AP5Z1: variants seen among roughly 807,000 people sequenced by gnomAD.
The protein encoded by AP5Z1 is AP-5 complex subunit zeta-1.
Under a neutral mutation model 83.0 loss-of-function variants are expected in AP5Z1, and 106 were observed. The observed-to-expected ratio is 1.28, with a 90% CI of 1.09 to 1.50. The LOEUF is 1.50. Among genes scored for constraint, AP5Z1 ranks in the 40% most tolerant of loss-of-function variants. The pLI, the probability that AP5Z1 is intolerant of heterozygous loss-of-function variation, is 0.00. For synonymous variants in AP5Z1, 751 were observed against 514.1 expected, an observed-to-expected ratio of 1.46 and a Z score of -6.23; for missense variants, 1,565 against 1,094.2, an observed-to-expected ratio of 1.43 and a Z score of -6.07.
chr7:4,776,774 A>G (rs1781240950), intron 1 of AP5Z1, among the ~76,000 whole-genome samples: 1 of 152,014 alleles, frequency 6.6e-6, no homozygotes, highest in Admixed American at 6.6e-5. Flanking sequence ...TACAGCCAGC[A>G]CTACAGCCCC....
chr7:4,778,245 T>G (rs569897591), intron 1 of AP5Z1, among the ~76,000 whole-genome samples: 3 of 152,252 alleles, frequency 2.0e-5, no homozygotes, highest in South Asian at 2.1e-4. Flanking sequence ...CAAAAAGATT[T>G]GGAGTGAACT....
rs1361212728 is a variant in AP5Z1, at chr7:4,785,794, CAG to C, written c.1132+111_1132+112del. On this transcript the variant is annotated intron_variant, in intron 9 of 16. Transcript: ENST00000649063. ...TTTTTTTTTTTTGATTGAATAGAGA[CAG>C]GGGTCTTGCTGTGTTGCCCAGGCTG... The C allele has an allele frequency of 1.8e-4, 236 of 1,326,210 alleles. 1 individual carries two copies. Among genetic ancestry groups the C allele is most frequent in the Middle Eastern group, 1.1e-3 (4 of 3,600 alleles). 82.2% of individuals were successfully genotyped at this position (1,326,210 alleles called of 1,614,324 possible).
At position 4,784,060 on chromosome 7, in the gene AP5Z1, G is replaced by GT. The variant is rs540378521; in HGVS notation, c.622-138dup. On this transcript the variant is annotated intron_variant, in intron 5 of 16. Transcript: ENST00000649063. The stretch of plus-strand genomic sequence containing the variant: ...TGCCTGGGGGTCAGGTGGGGATGGT[G>GT]TTTTTGCATCACACAGGGCGGGCCG... 1.4e-4 allele frequency: 154 copies of GT among 1,078,896 alleles called. No homozygotes were observed. The African/African-American group carries it at 2.3e-3, about 16-fold the overall frequency. The allele number at this position is 1,078,896 out of a possible 1,614,324, so 66.8% of individuals were successfully genotyped here.
intron 5 of AP5Z1, 100 bp from the exon 6 acceptor site, chr7:4,784,103 C>G (rs1047719216): frequency 7.2e-7 from 1 of 1,390,608 alleles, no homozygotes. Context: ...GGCTCATGTT[C>G]AGGCAGCTTC....
rs116402929 is a variant in AP5Z1, at chr7:4,785,372, T to C, written c.932-43T>C. The C allele has an allele frequency of 0.026, 41,270 of 1,605,572 alleles. 787 individuals carry two copies. The highest frequency in any genetic ancestry group is 0.086 in the African/African-American group (6,439 of 74,942). On this transcript the variant is annotated intron_variant, in intron 7 of 16. Transcript: ENST00000649063. ...AAGCTGCCCCCTCATTGGGCCACTC[T>C]AAGGCTGAGACAGAGCCGGCTGACT...
chr7:4,782,774 T>G (rs1338940878), intron 3 of AP5Z1, among the ~76,000 whole-genome samples: 2 of 150,920 alleles, frequency 1.3e-5, no homozygotes, highest in Non-Finnish European at 3.0e-5. Flanking sequence ...GCCCTTCTCC[T>G]CAAGCAACTC....
intron 14 of AP5Z1, chr7:4,790,231 C>T (rs199591978): frequency 2.9e-5 from 45 of 1,549,744 alleles, no homozygotes; most frequent in Admixed American, 2.4e-4. Flanking sequence ...GCATGCAGGC[C>T]CATCCTGGTT....
chr7:4,790,180 C>A lies in AP5Z1; in HGVS notation c.1805+251C>A, dbSNP rs1407010927. The A allele has an allele frequency of 2.6e-6, 4 of 1,535,782 alleles. No individual in the cohort carries two copies. The South Asian group carries it at 4.8e-5, about 18-fold the overall frequency. On this transcript the variant is annotated intron_variant, in intron 14 of 16. Coordinates refer to ENST00000649063, the MANE Select transcript of AP5Z1 (RefSeq NM_014855.3). Reference sequence around the variant, plus strand: ...TCAGGGTTAGCTCAGGTCCCTCTTCCCCGTCTTGTCCCCTGGGGTCCTTCT... The same window carrying A: ...TCAGGGTTAGCTCAGGTCCCTCTTCACCGTCTTGTCCCCTGGGGTCCTTCT...
In AP5Z1 at chr7:4,791,328, G is replaced by C. The variant is rs1405994261; in HGVS notation, c.2367G>C (p.Leu789=). The stretch of plus-strand genomic sequence containing the variant: ...GCGATGCCAACACGGCCCTGCCCCT[G>C]GCCCTGCGCACGGTCAGCCGGCTGG... ...YHRDANTALP[L]ALRTVSRLVE... is the part of the protein sequence containing the mutation. Residue 789 remains leucine (L), a synonymous_variant, in exon 17 of 17, where the codon CTG becomes CTC. Coordinates refer to ENST00000649063, the MANE Select transcript of AP5Z1 (RefSeq NM_014855.3). The C allele has an allele frequency of 1.4e-5, 23 of 1,610,810 alleles. No individual in the cohort carries two copies. The highest frequency in any genetic ancestry group is 1.8e-5 in the Non-Finnish European group (21 of 1,179,222).
chr7:4,786,490 C>T, intron 10 of AP5Z1, 62 bp downstream of exon 10: 1 of 1,584,448 alleles, frequency 6.3e-7, no homozygotes, highest in South Asian at 1.1e-5. Flanking sequence ...GGCTCCTCCC[C>T]TCTTTCCAGC....
rs535158601 is a variant in AP5Z1 at position 4,790,831 on chromosome 7, C to A, written c.2097C>A (p.Thr699=). The A allele has an allele frequency of 6.2e-7, 1 of 1,609,272 alleles. No homozygotes were observed. Among genetic ancestry groups the A allele is most frequent in the East Asian group, 2.2e-5 (1 of 44,776 alleles). ...CCAGGTGTCCCCCCCAGGTGGTCACCGTGCTGATGACCACGCTGACGAAGC... is the reference window on the plus strand; with the variant it reads ...CCAGGTGTCCCCCCCAGGTGGTCACAGTGCTGATGACCACGCTGACGAAGC... ...ALPRCPPQVV[T]VLMTTLTKLA... Residue 699 remains threonine, a synonymous_variant, in exon 16 of 17, where the codon ACC becomes ACA. Transcript: ENST00000649063.
intron 10 of AP5Z1, among the ~76,000 whole-genome samples, chr7:4,787,102 C>T (rs1781572022): frequency 6.6e-6 from 1 of 152,066 alleles, no homozygotes; most frequent in Non-Finnish European, 1.5e-5. Context: ...GTGTCTTTTG[C>T]AGCCTCGCCT....
intron 1 of AP5Z1, 67 bp from the exon 2 acceptor site, chr7:4,781,108 G>T (rs1781368826): frequency 6.3e-7 from 1 of 1,575,790 alleles, no homozygotes; most frequent in Non-Finnish European, 8.6e-7. Context: ...CCTGCTCCAA[G>T]GGTTATCCTT....
At chr7:4,775,880 G>A in intron 1 of AP5Z1, 124 bp downstream of exon 1, 1 of 1,366,080 alleles carries the variant, frequency 7.3e-7, no homozygotes, top group Non-Finnish European at 9.9e-7. Context: ...ACTCGCCCTC[G>A]AGACTTGGGG....
At chr7:4,783,574 G>A (rs76290927) in intron 4 of AP5Z1, 114 bp downstream of exon 4, 41,289 of 1,533,270 alleles carry the variant, frequency 0.027, 646 homozygotes, top group Non-Finnish European at 0.031. Context: ...GGGGAGGCCC[G>A]AGGGTTTGGG....
chr7:4,779,312 A>AT (rs1388009478), intron 1 of AP5Z1, among the ~76,000 whole-genome samples: 2 of 147,012 alleles, frequency 1.4e-5, no homozygotes, highest in Non-Finnish European at 3.0e-5. Context: ...TATAACGTAT[A>AT]TAACATAACA....
rs751518690 is a variant in AP5Z1, at chr7:4,775,756, G to T, written c.41G>T (p.Arg14Met). The T allele has an allele frequency of 1.2e-6, 2 of 1,604,668 alleles. No homozygotes were observed. The highest frequency in any genetic ancestry group is 1.1e-5 in the South Asian group (1 of 91,018). The change falls in exon 1 of 17, where the codon AGG becomes ATG. Residue 14 changes from arginine to methionine, a missense_variant and splice_region_variant. Transcript: ENST00000649063. Reference sequence around the variant, plus strand: ...GCGGAGAGTTTGCTCCACCAGGCCAGGTACGGGGGAGCTGCGGCCCCGGCC... The same window carrying T: ...GCGGAGAGTTTGCTCCACCAGGCCATGTACGGGGGAGCTGCGGCCCCGGCC... ...AGAESLLHQA[R>M]EIQDEELKKF...
chr7:4,790,939 G>A (rs1404997622), intron 16 of AP5Z1, 52 bp downstream of exon 16: 5 of 1,516,750 alleles, frequency 3.3e-6, no homozygotes, highest in Middle Eastern at 2.0e-4. Context: ...GAAGAGAGGT[G>A]GCTTCTGAGG....
At chr7:4,783,246 A>G in intron 3 of AP5Z1, 70 bp from the exon 4 acceptor site, 1 of 1,491,444 alleles carries the variant, frequency 6.7e-7, no homozygotes, top group Non-Finnish European at 9.0e-7. Flanking sequence ...TGTCACACAG[A>G]CTTCCGAAAT....
Sources: allele counts gnomAD v4.1 joint callset (sites outside exome capture counted in the v4.1 genomes callset), GRCh38; gene constraint gnomAD v4.1.1; transcripts MANE v1.5; gene names NCBI Gene and HGNC (gene_info 2026-07-23, HGNC 2026-07-21).